MAML3: variants seen among roughly 807,000 people sequenced by gnomAD.
The protein encoded by MAML3 is mastermind-like protein 3.
MAML3 carries 27 observed loss-of-function variants against 101.9 expected under a neutral mutation model. The ratio of observed to expected loss-of-function variants is 0.27; its 90% CI spans 0.20 to 0.37. The LOEUF (loss-of-function observed/expected upper bound fraction) is 0.37, where lower values mean the gene tolerates loss of function less well. MAML3 is among the 10% of genes least tolerant of loss of function. The pLI, the probability that MAML3 is intolerant of heterozygous loss-of-function variation, is 1.00. For synonymous variants in MAML3, 501 were observed against 555.9 expected (o/e 0.90, Z 1.39); for missense variants, 1,316 against 1,444.9 (o/e 0.91, Z 1.45).
At chr4:139,729,043 C>T (rs530070616) in intron 3 of MAML3, among the ~76,000 whole-genome samples, 20 of 151,192 alleles carry the variant, frequency 1.3e-4, no homozygotes, top group Admixed American at 2.6e-4. Context: ...GGCTCCTTGT[C>T]GCACACCTTA....
In MAML3 at chr4:139,719,262, G is replaced by C; in HGVS notation, c.*61C>G. 1 of 1,507,234 alleles carries C rather than the reference G, an allele frequency of 6.6e-7. No individual in the cohort carries two copies. Among genetic ancestry groups the C allele is most frequent in the Non-Finnish European group, 8.9e-7 (1 of 1,126,966 alleles). 93.4% of individuals were successfully genotyped at this position (1,507,234 alleles called of 1,614,324 possible). On this transcript the variant is annotated 3_prime_UTR_variant, in exon 5 of 5. Transcript: ENST00000509479. The stretch of plus-strand genomic sequence containing the variant: ...AAAAACAAGGATGGGTCAACATCCT[G>C]TTTCTTTTTCACTTTTTAAGCTTTA...
intron 1 of MAML3, among the ~76,000 whole-genome samples, chr4:139,992,306 T>A (rs1734693897): frequency 6.6e-6 from 1 of 152,204 alleles, no homozygotes; most frequent in African/African-American, 2.4e-5. Flanking sequence ...CATTTGTGTA[T>A]GTTTCTGTGT....
intron 2 of MAML3, among the ~76,000 whole-genome samples, chr4:139,771,918 C>T (rs1248756232): frequency 1.3e-5 from 2 of 149,778 alleles, no homozygotes; most frequent in African/African-American, 2.5e-5. Context: ...AGAAACATCC[C>T]ACACCAGGTC....
chr4:139,805,248 G>A (rs1213988786), intron 2 of MAML3, among the ~76,000 whole-genome samples: 1 of 152,190 alleles, frequency 6.6e-6, no homozygotes, highest in African/African-American at 2.4e-5. Flanking sequence ...TCCTGTTTAT[G>A]CAATGACTAA....
Position 140,153,631 on chromosome 4 carries a change from T to A in MAML3, c.-304A>T. The A allele has an allele frequency of 2.7e-6, 1 of 364,718 alleles. No individual in the cohort carries two copies. The highest frequency in any genetic ancestry group is 4.9e-6 in the Non-Finnish European group (1 of 204,308). 22.6% of individuals were successfully genotyped at this position (364,718 alleles called of 1,614,324 possible). ...AAACTGAGCCAGCAGCAAATCGGGT[T>A]GCAACTCAAGGGGAGATCCGCTCCT... On this transcript the variant is annotated 5_prime_UTR_variant, in exon 1 of 5. Coordinates refer to ENST00000509479, the MANE Select transcript of MAML3 (RefSeq NM_018717.5).
At chr4:139,852,403 G>GTTTTTTTTTTTTGTTGTTGTTTTT (rs1731572846) in intron 2 of MAML3, among the ~76,000 whole-genome samples, 2 of 68,326 alleles carry the variant, frequency 2.9e-5, no homozygotes, top group African/African-American at 1.3e-4. Flanking sequence ...TCAGAAGACT[G>GTTTTTTTTTTTTGTTGTTGTTTTT]TTTTTTTTTT....
intron 2 of MAML3, among the ~76,000 whole-genome samples, chr4:139,734,524 G>T (rs1052350308): frequency 6.6e-6 from 1 of 152,128 alleles, no homozygotes; most frequent in African/African-American, 2.4e-5. Context: ...TAAAATAAAG[G>T]GAGGAGAAAG....
rs780876339 is a variant in MAML3 at position 139,785,489 on chromosome 4, C to T, written c.2080-54822G>A. ...GTAAACACAGCTCTTTATTTTTGTA[C>T]GGAATGTGGTGATCCCCACTGGCAG... On this transcript the variant is annotated intron_variant, in intron 2 of 4. Transcript: ENST00000509479. The surrounding 1 kb of genome is among the most constrained non-coding windows in gnomAD (Gnocchi z 4.3). Among the ~76,000 whole-genome samples the T allele has an allele frequency of 2.6e-5, 4 of 152,158 alleles. No individual in the cohort carries two copies. The highest frequency in any genetic ancestry group is 2.1e-4 in the South Asian group (1 of 4,820).
chr4:139,718,711 C>G lies in MAML3; in HGVS notation c.*612G>C, dbSNP rs995199417. 3 of 152,940 alleles carry G rather than the reference C, an allele frequency of 2.0e-5. No homozygotes were observed. The highest frequency in any genetic ancestry group is 7.2e-5 in the African/African-American group (3 of 41,454). The allele number at this position is 152,940 out of a possible 1,614,324, so 9.5% of individuals were successfully genotyped here. A position where few individuals can be genotyped will look rare whatever the true frequency, so the allele number is the denominator to read the frequency against. On this transcript the variant is annotated 3_prime_UTR_variant, in exon 5 of 5. Transcript: ENST00000509479. ...ATCATGGGGCAGGAGACAGACAGTC[C>G]TGTAGGATCTGTGGTTGTCTCCTTT...
chr4:140,044,691 C>T (rs1727150872), intron 1 of MAML3, among the ~76,000 whole-genome samples: 1 of 152,158 alleles, frequency 6.6e-6, no homozygotes, highest in Non-Finnish European at 1.5e-5. Context: ...AACGCCTCAG[C>T]AGAAGAAAGG....
chr4:140,028,171 C>T (rs1435243452), intron 1 of MAML3, among the ~76,000 whole-genome samples: 1 of 152,056 alleles, frequency 6.6e-6, no homozygotes, highest in Non-Finnish European at 1.5e-5. Flanking sequence ...AGGACAATGT[C>T]TCTCCTAAAC....
rs1726676206 is a variant in MAML3, at chr4:140,018,213, T to A, written c.469-127246A>T. ...CTCCCCTTTTCTATGTGGCAGCTTCTGCTGGTATATGTAACCGCACAAAAG... is the reference window on the plus strand; with the variant it reads ...CTCCCCTTTTCTATGTGGCAGCTTCAGCTGGTATATGTAACCGCACAAAAG... On this transcript the variant is annotated intron_variant, in intron 1 of 4. Transcript: ENST00000509479. 3.3e-5 allele frequency among the ~76,000 whole-genome samples: 5 copies of A among 152,286 alleles called. No individual in the cohort carries two copies. The South Asian group carries it at 1.0e-3, about 32-fold the overall frequency.
At chr4:140,150,800 A>C (rs1361724695) in intron 1 of MAML3, among the ~76,000 whole-genome samples, 2 of 151,986 alleles carry the variant, frequency 1.3e-5, no homozygotes, top group African/African-American at 4.8e-5. Context: ...AAGGGACCGG[A>C]GCTACAGTCG....
At chr4:140,110,384 C>T (rs1320344351) in intron 1 of MAML3, among the ~76,000 whole-genome samples, 2 of 152,184 alleles carry the variant, frequency 1.3e-5, no homozygotes, top group Non-Finnish European at 1.5e-5. Flanking sequence ...CTTTACCTAT[C>T]GTCGTTTTTC....
chr4:139,985,008 A>G (rs1383269953), intron 1 of MAML3, among the ~76,000 whole-genome samples: 1 of 152,246 alleles, frequency 6.6e-6, no homozygotes, highest in Non-Finnish European at 1.5e-5. Context: ...CTGCAATTTA[A>G]TATGGCAAAT....
At position 139,718,156 on chromosome 4, in the gene MAML3, G is replaced by C. The variant is rs1728067218; in HGVS notation, c.*1167C>G. 1 of 151,946 alleles carries C rather than the reference G, an allele frequency of 6.6e-6. No individual in the cohort carries two copies. Among genetic ancestry groups the C allele is most frequent in the Admixed American group, 6.6e-5 (1 of 15,238 alleles). 9.4% of individuals were successfully genotyped at this position (151,946 alleles called of 1,614,324 possible). A position where few individuals can be genotyped will look rare whatever the true frequency, so the allele number is the denominator to read the frequency against. On this transcript the variant is annotated 3_prime_UTR_variant, in exon 5 of 5. Transcript: ENST00000509479. ...GACCTCCAGGCCACTCCTTCCTGGG[G>C]ATATCAGAAATATCAGATGTGGCTC... is the stretch of plus-strand genomic sequence containing the variant.
chr4:139,824,480 G>C (rs1731025714), intron 2 of MAML3, among the ~76,000 whole-genome samples: 1 of 152,088 alleles, frequency 6.6e-6, no homozygotes, highest in South Asian at 2.1e-4. Context: ...CATAAACTGG[G>C]ACTGTCTTGG....
At chr4:139,824,797 C>T (rs1041174086) in intron 2 of MAML3, among the ~76,000 whole-genome samples, 1 of 152,158 alleles carries the variant, frequency 6.6e-6, no homozygotes, top group Non-Finnish European at 1.5e-5. Context: ...AGCTGTGTAA[C>T]TGACGTGTTC....
At position 139,849,035 on chromosome 4, in the gene MAML3, C is replaced by T. The variant is rs558739014; in HGVS notation, c.2079+40322G>A. Reference sequence around the variant, plus strand: ...CTCAGCAATCTCTATGTCCCCTTTTCACTGCTCTCCTTTTCTGGCAATGTT... The same window carrying T: ...CTCAGCAATCTCTATGTCCCCTTTTTACTGCTCTCCTTTTCTGGCAATGTT... On this transcript the variant is annotated intron_variant, in intron 2 of 4. Coordinates refer to ENST00000509479, the MANE Select transcript of MAML3 (RefSeq NM_018717.5). Among the ~76,000 whole-genome samples the T allele has an allele frequency of 1.9e-4, 29 of 152,310 alleles. No individual in the cohort carries two copies. The South Asian group carries it at 6.0e-3, about 32-fold the overall frequency.
Sources: gnomAD v4.1 joint callset for allele counts (sites outside exome capture counted in the v4.1 genomes callset) on GRCh38, gnomAD v4.1.1 for gene constraint, Gnocchi (gnomAD v3.1) non-coding constraint, MANE v1.5 for transcripts, NCBI Gene and HGNC (gene_info 2026-07-23, HGNC 2026-07-21) for gene names.